DMXL1: variants seen among roughly 807,000 people sequenced by gnomAD.
The protein encoded by DMXL1 is Dmx like 1, also known as dmX-like protein 1.
In DMXL1, 99 loss-of-function variants were observed where a neutral mutation model predicts 319.2. The observed-to-expected ratio is 0.31, with a 90% CI of 0.26 to 0.37. DMXL1 has a LOEUF of 0.37. DMXL1 is among the 10% of genes least tolerant of loss of function. DMXL1 has a pLI of 1.00. For missense variants in DMXL1, 3,745 were observed against 3,595.6 expected (o/e 1.04, Z -1.06); for synonymous variants, 1,385 against 1,235.2 (o/e 1.12, Z -2.54).
chr5:119,170,053 G>A, intron 23 of DMXL1, 137 bp from the exon 24 acceptor site: 2 of 725,822 alleles, frequency 2.8e-6, no homozygotes, highest in Non-Finnish European at 2.2e-6. Context: ...CAGTGCCATG[G>A]ATCATTGTGG....
chr5:119,216,256 G>T (rs866040829), intron 34 of DMXL1, among the ~76,000 whole-genome samples: 13 of 152,014 alleles, frequency 8.6e-5, no homozygotes, highest in African/African-American at 3.1e-4. Flanking sequence ...TATACACTTT[G>T]TCTGGAGTAA....
intron 9 of DMXL1, among the ~76,000 whole-genome samples, chr5:119,124,123 A>T (rs971578124): frequency 2.0e-5 from 3 of 151,660 alleles, no homozygotes; most frequent in Non-Finnish European, 4.4e-5. Flanking sequence ...AGCCTGGCTA[A>T]CATGGTAAAA....
chr5:119,084,749 C>A (rs182216722), intron 1 of DMXL1, among the ~76,000 whole-genome samples: 2 of 151,758 alleles, frequency 1.3e-5, no homozygotes, highest in East Asian at 3.9e-4. Flanking sequence ...CCTGTAATTC[C>A]GGCTACTCGG....
At chr5:119,189,052 T>C (rs569329791) in intron 28 of DMXL1, among the ~76,000 whole-genome samples, 4 of 152,234 alleles carry the variant, frequency 2.6e-5, no homozygotes, top group African/African-American at 9.6e-5. Context: ...AAGATTTGTA[T>C]AATTTTTTTA....
At chr5:119,157,461 A>G (rs1420910946) in intron 19 of DMXL1, among the ~76,000 whole-genome samples, 1 of 152,192 alleles carries the variant, frequency 6.6e-6, no homozygotes, top group African/African-American at 2.4e-5. Flanking sequence ...TGCAGGTCTT[A>G]TGCTTAAGTA....
intron 25 of DMXL1, among the ~76,000 whole-genome samples, chr5:119,173,797 T>TATATATATATATATAA (rs1305561997): frequency 2.5e-4 from 33 of 130,756 alleles, no homozygotes; most frequent in African/African-American, 7.6e-4. Context: ...TATATATATA[T>TATATATATATATATAA]AATGAGAGAG....
At chr5:119,212,259 T>TA (rs1782931607) in intron 34 of DMXL1, among the ~76,000 whole-genome samples, 1 of 152,166 alleles carries the variant, frequency 6.6e-6, no homozygotes, top group South Asian at 2.1e-4. Context: ...TTTTTGTATC[T>TA]ATGAATTTTA....
chr5:119,092,027 A>G (rs1754910377), intron 1 of DMXL1, among the ~76,000 whole-genome samples: 1 of 152,134 alleles, frequency 6.6e-6, no homozygotes. Flanking sequence ...CTGGCTGTTC[A>G]CCATAATCTC....
chr5:119,238,600 GC>G (rs1352783652), intron 40 of DMXL1, among the ~76,000 whole-genome samples: 1 of 152,048 alleles, frequency 6.6e-6, no homozygotes, highest in African/African-American at 2.4e-5. Context: ...TTTTCACTAT[GC>G]TAGGAGAAGG....
At chr5:119,199,517 A>G (rs1227261145) in intron 32 of DMXL1, among the ~76,000 whole-genome samples, 1 of 152,198 alleles carries the variant, frequency 6.6e-6, no homozygotes, top group East Asian at 1.9e-4. Flanking sequence ...ATAATGCTGC[A>G]GCGAACACTT....
intron 25 of DMXL1, among the ~76,000 whole-genome samples, chr5:119,174,686 T>C (rs1335951518): frequency 6.6e-6 from 1 of 152,252 alleles, no homozygotes; most frequent in African/African-American, 2.4e-5. Flanking sequence ...TGCCTAATGT[T>C]ATGGCCCTTG....
intron 19 of DMXL1, among the ~76,000 whole-genome samples, chr5:119,155,598 G>C (rs939496965): frequency 3.3e-5 from 5 of 152,076 alleles, no homozygotes; most frequent in Non-Finnish European, 5.9e-5. Flanking sequence ...CAACACTTTG[G>C]GATATTGAGG....
At chr5:119,114,843 A>AT (rs1266273682) in intron 6 of DMXL1, among the ~76,000 whole-genome samples, 1 of 151,872 alleles carries the variant, frequency 6.6e-6, no homozygotes, top group Non-Finnish European at 1.5e-5. Flanking sequence ...TAATTTTTGT[A>AT]TTTTTTAATA....
intron 9 of DMXL1, among the ~76,000 whole-genome samples, chr5:119,121,465 T>A (rs903849059): frequency 2.6e-5 from 4 of 151,806 alleles, no homozygotes; most frequent in Non-Finnish European, 5.9e-5. Context: ...TACTTGAGAT[T>A]AGGGAGTGGT....
At chr5:119,213,267 C>T (rs760934768) in intron 34 of DMXL1, among the ~76,000 whole-genome samples, 1 of 152,076 alleles carries the variant, frequency 6.6e-6, no homozygotes, top group Non-Finnish European at 1.5e-5. Flanking sequence ...TTAGCCTAAC[C>T]TGCCCATCAT....
At chr5:119,205,970 T>C (rs1387862077) in intron 33 of DMXL1, among the ~76,000 whole-genome samples, 1 of 152,100 alleles carries the variant, frequency 6.6e-6, no homozygotes, top group African/African-American at 2.4e-5. Flanking sequence ...GAGAGTATTC[T>C]GAGAACTGCT....
chr5:119,071,515 G>A lies in DMXL1; in HGVS notation c.-55G>A, dbSNP rs1432712177. ...GAGGGAAGGAGGGAGGGAAGCAGCC[G>A]CTGACCCGTGGCATGAGCTGGATGC... On this transcript the variant is annotated 5_prime_UTR_variant, in exon 1 of 44. Coordinates refer to ENST00000539542, the MANE Select transcript of DMXL1 (RefSeq NM_001290321.3). 4.6e-6 allele frequency: 7 copies of A among 1,525,352 alleles called. No individual in the cohort carries two copies. In the African/African-American group the frequency reaches 8.3e-5, roughly 18 times the overall value. 94.5% of individuals were successfully genotyped at this position (1,525,352 alleles called of 1,614,324 possible).
At chr5:119,245,815 T>C (rs1789652313) in intron 43 of DMXL1, among the ~76,000 whole-genome samples, 1 of 152,138 alleles carries the variant, frequency 6.6e-6, no homozygotes, top group Admixed American at 6.5e-5. Context: ...GTGCTGGGAT[T>C]ACAGTTGTGA....
At chr5:119,139,808 A>G (rs1177095893) in intron 13 of DMXL1, among the ~76,000 whole-genome samples, 1 of 152,136 alleles carries the variant, frequency 6.6e-6, no homozygotes, top group African/African-American at 2.4e-5. Context: ...TCCACCCAAA[A>G]CAACAGAATA....
Sources: gnomAD v4.1 joint callset for allele counts (sites outside exome capture counted in the v4.1 genomes callset) on GRCh38, gnomAD v4.1.1 for gene constraint, MANE v1.5 for transcripts, NCBI Gene and HGNC (gene_info 2026-07-23, HGNC 2026-07-21) for gene names.